Variants in LRRK1 observed in about 807,000 individuals in gnomAD.
The protein encoded by LRRK1 is leucine rich repeat kinase 1.
LRRK1 carries 113 observed loss-of-function variants against 209.1 expected under a neutral mutation model. That is an observed-to-expected ratio of 0.54 (90% CI 0.46 to 0.63). The LOEUF is 0.63. LRRK1 is among the 30% of genes least tolerant of loss of function. The pLI is 0.00. For missense variants in LRRK1, 2,284 were observed against 2,632.2 expected (o/e 0.87, Z 2.89); for synonymous variants, 1,144 against 1,099.7 (o/e 1.04, Z -0.80).
At chr15:100,941,766 G>A (rs12913047) in intron 2 of LRRK1, among the ~76,000 whole-genome samples, 68,745 of 151,908 alleles carry the variant, frequency 0.45, 16,283 homozygotes, top group African/African-American at 0.6. Context: ...GGTGGGCTCC[G>A]TGTGCCTCCT....
rs776148840 is a variant in LRRK1, at chr15:101,065,891, C to T, written c.5454C>T (p.Ile1818=). Residue 1818 remains isoleucine, a synonymous_variant, in exon 32 of 34, where the codon ATC becomes ATT. Coordinates refer to ENST00000388948, the MANE Select transcript of LRRK1 (RefSeq NM_024652.6). ...PEGDSIADVS[I]MYSEELGTQI... Reference sequence around the variant, plus strand: ...GGGACTCCATCGCGGACGTGAGCATCATGTACAGTGAGGAGCTGGGCACGC... The same window carrying T: ...GGGACTCCATCGCGGACGTGAGCATTATGTACAGTGAGGAGCTGGGCACGC... 5 of 1,614,034 alleles carry T rather than the reference C, an allele frequency of 3.1e-6. No individual in the cohort carries two copies. The highest frequency in any genetic ancestry group is 3.3e-5 in the Admixed American group (2 of 60,008).
intron 20 of LRRK1, among the ~76,000 whole-genome samples, chr15:101,039,291 G>A (rs2034633013): frequency 6.6e-6 from 1 of 152,102 alleles, no homozygotes; most frequent in Admixed American, 6.5e-5. Context: ...TCTCTCCACG[G>A]TGGTTTGTTT....
intron 6 of LRRK1, among the ~76,000 whole-genome samples, chr15:100,999,949 T>C (rs1264141080): frequency 1.3e-5 from 2 of 152,254 alleles, no homozygotes; most frequent in Non-Finnish European, 2.9e-5. Flanking sequence ...TTCTCATTTA[T>C]CTGGTTTCAA....
chr15:100,961,730 G>A (rs562399082), intron 2 of LRRK1, among the ~76,000 whole-genome samples: 14 of 152,144 alleles, frequency 9.2e-5, no homozygotes, highest in African/African-American at 3.4e-4. Flanking sequence ...AGGTGCTGGG[G>A]GTCCAAATCT....
At chr15:100,985,525 G>C (rs1003246266) in intron 4 of LRRK1, among the ~76,000 whole-genome samples, 1 of 152,134 alleles carries the variant, frequency 6.6e-6, no homozygotes, top group African/African-American at 2.4e-5. Context: ...GTATTTTTAC[G>C]CAGAGGTCTG....
chr15:101,011,604 A>G (rs12440907), intron 9 of LRRK1, among the ~76,000 whole-genome samples: 11,036 of 145,890 alleles, frequency 0.076, 422 homozygotes, highest in Non-Finnish European at 0.09. Flanking sequence ...GTGTGTGTGC[A>G]TGTGTGTGTG....
Position 101,072,938 on chromosome 15 carries a change from G to A in LRRK1, c.*4090G>A, listed in dbSNP as rs535060134. 7.5e-5 allele frequency: 11 copies of A among 146,332 alleles called. No individual in the cohort carries two copies. Among genetic ancestry groups the A allele is most frequent in the East Asian group, 5.8e-4 (3 of 5,192 alleles). The allele number at this position is 146,332 out of a possible 1,614,324, so 9.1% of individuals were successfully genotyped here. A position where few individuals can be genotyped will look rare whatever the true frequency, so the allele number is the denominator to read the frequency against. On this transcript the variant is annotated 3_prime_UTR_variant, in exon 34 of 34. Transcript: ENST00000388948. ...ATGGACGTGCATTAAATTTGGTGCC[G>A]TAACTGGCGCGGGGGGAGGGGGGGG...
intron 6 of LRRK1, among the ~76,000 whole-genome samples, chr15:100,993,448 C>T (rs1213613055): frequency 2.0e-5 from 3 of 152,156 alleles, no homozygotes; most frequent in African/African-American, 7.2e-5. Context: ...CTTCTTATGT[C>T]TCTACAAGGT....
intron 17 of LRRK1, among the ~76,000 whole-genome samples, chr15:101,026,393 T>C (rs2034034719): frequency 6.6e-6 from 1 of 152,230 alleles, no homozygotes; most frequent in Non-Finnish European, 1.5e-5. Flanking sequence ...GTGCTGAAAA[T>C]GCATGGTGCC....
At chr15:100,945,294 T>C (rs1188018608) in intron 2 of LRRK1, among the ~76,000 whole-genome samples, 1 of 152,188 alleles carries the variant, frequency 6.6e-6, no homozygotes, top group African/African-American at 2.4e-5. Flanking sequence ...TGTGTGCGTG[T>C]CTGTTTCCCA....
chr15:100,985,794 A>G (rs1159928945), intron 4 of LRRK1, among the ~76,000 whole-genome samples: 1 of 152,258 alleles, frequency 6.6e-6, no homozygotes, highest in Non-Finnish European at 1.5e-5. Context: ...CTTTGCAGAA[A>G]GTGCAGAGAT....
intron 2 of LRRK1, among the ~76,000 whole-genome samples, chr15:100,941,362 GTGTGCCTGTATGTGTGTGTC>G (rs2042414218): frequency 6.7e-6 from 1 of 148,222 alleles, no homozygotes; most frequent in East Asian, 2.0e-4. Context: ...GTGTGTGTGT[GTGTGCCTGTATGTGTGTGTC>G]TGTGTCTCTG....
At chr15:101,061,125 G>A in intron 29 of LRRK1, 46 bp from the exon 30 acceptor site, 1 of 1,448,894 alleles carries the variant, frequency 6.9e-7, no homozygotes, top group Non-Finnish European at 9.7e-7. Flanking sequence ...AAAGGAGGCA[G>A]CCCCTGGCCC....
At chr15:101,029,575 T>C (rs1282498350) in intron 20 of LRRK1, among the ~76,000 whole-genome samples, 2 of 146,546 alleles carry the variant, frequency 1.4e-5, no homozygotes, top group African/African-American at 5.5e-5. Flanking sequence ...ATTTGGTAAA[T>C]GAGAGTGAGT....
chr15:100,961,815 A>C (rs924465389), intron 2 of LRRK1, among the ~76,000 whole-genome samples: 2 of 152,174 alleles, frequency 1.3e-5, no homozygotes, highest in Non-Finnish European at 2.9e-5. Flanking sequence ...GTGGTGAGTG[A>C]TGATGAGAAG....
Position 101,024,635 on chromosome 15 carries a change from C to T in LRRK1, c.2068-168C>T, listed in dbSNP as rs1272311473. 2.0e-5 allele frequency among the ~76,000 whole-genome samples: 3 copies of T among 152,252 alleles called. No individual in the cohort carries two copies. Among genetic ancestry groups the T allele is most frequent in the Non-Finnish European group, 4.4e-5 (3 of 68,046 alleles). On this transcript the variant is annotated intron_variant, in intron 15 of 33. Coordinates refer to ENST00000388948, the MANE Select transcript of LRRK1 (RefSeq NM_024652.6). This position sits in a 1 kb window ranked among gnomAD's most constrained non-coding sequence, Gnocchi z 4.6. ...CCCATGCCACCGGGCCCCTGTCCCT[C>T]GCCCAGATAACTGTTTCCTAAGAAA...
intron 6 of LRRK1, among the ~76,000 whole-genome samples, chr15:100,997,340 G>A (rs1031068369): frequency 2.6e-5 from 4 of 152,308 alleles, no homozygotes; most frequent in Admixed American, 6.5e-5. Context: ...CATGTCAGCT[G>A]ATGATCGAAT....
intron 2 of LRRK1, among the ~76,000 whole-genome samples, chr15:100,962,603 G>T (rs1333205257): frequency 6.6e-6 from 1 of 151,048 alleles, no homozygotes. Context: ...TGTAATTTTT[G>T]TGTGTCCTTT....
intron 1 of LRRK1, among the ~76,000 whole-genome samples, chr15:100,923,966 T>C (rs76184662): frequency 0.045 from 6,832 of 152,342 alleles, 472 homozygotes; most frequent in African/African-American, 0.15. Context: ...CTAAAGCTCA[T>C]GCTAACTTGA....
Sources: allele counts gnomAD v4.1 joint callset (sites outside exome capture counted in the v4.1 genomes callset), GRCh38; gene constraint gnomAD v4.1.1; non-coding constraint Gnocchi (gnomAD v3.1); transcripts MANE v1.5; gene names NCBI Gene and HGNC (gene_info 2026-07-23, HGNC 2026-07-21).